ERC1: variants seen among roughly 807,000 people sequenced by gnomAD.
ERC1 encodes the protein ELKS/RAB6-interacting/CAST family member 1.
A neutral mutation model predicts 132.0 loss-of-function variants in ERC1; 56 were observed. That is an observed-to-expected ratio of 0.42 (90% CI 0.34 to 0.53). The LOEUF is 0.53. Ranked by LOEUF, ERC1 falls within the 20% of genes least tolerant of loss-of-function variation. The pLI, the probability that ERC1 is intolerant of heterozygous loss-of-function variation, is 0.03. For synonymous variants in ERC1, 478 were observed against 476.1 expected, an observed-to-expected ratio of 1.00 and a Z score of -0.05; for missense variants, 1,202 against 1,349.9, an observed-to-expected ratio of 0.89 and a Z score of 1.72.
chr12:1,015,725 G>C (rs1272494578), intron 1 of ERC1, among the ~76,000 whole-genome samples: 1 of 152,112 alleles, frequency 6.6e-6, no homozygotes, highest in Non-Finnish European at 1.5e-5. Flanking sequence ...CTCGTCCCTA[G>C]TAATATTTAT....
chr12:1,470,390 C>G (rs2093835053), intron 18 of ERC1, among the ~76,000 whole-genome samples: 1 of 151,954 alleles, frequency 6.6e-6, no homozygotes, highest in South Asian at 2.1e-4. Flanking sequence ...CTTGTTCTTA[C>G]CACCCTGACA....
chr12:1,343,351 G>A (rs1195143115), intron 15 of ERC1, among the ~76,000 whole-genome samples: 1 of 152,128 alleles, frequency 6.6e-6, no homozygotes, highest in African/African-American at 2.4e-5. Context: ...TCAAATTCTA[G>A]CAGCTTTGGT....
intron 16 of ERC1, among the ~76,000 whole-genome samples, chr12:1,372,299 G>C (rs955679183): frequency 2.0e-5 from 3 of 151,962 alleles, no homozygotes; most frequent in African/African-American, 7.3e-5. Context: ...TAAACATCCA[G>C]CAAGATTTCT....
At chr12:1,062,903 G>A (rs1384716029) in intron 2 of ERC1, among the ~76,000 whole-genome samples, 1 of 152,120 alleles carries the variant, frequency 6.6e-6, no homozygotes, top group Non-Finnish European at 1.5e-5. Context: ...GTGCATATGT[G>A]TTTATAGTTG....
At chr12:1,123,213 G>C (rs1947778101) in intron 7 of ERC1, among the ~76,000 whole-genome samples, 1 of 152,138 alleles carries the variant, frequency 6.6e-6, no homozygotes, top group African/African-American at 2.4e-5. Flanking sequence ...GCATAAGTAT[G>C]GCTCTTAATA....
intron 16 of ERC1, among the ~76,000 whole-genome samples, chr12:1,388,103 T>A (rs1391530846): frequency 6.6e-6 from 1 of 152,116 alleles, no homozygotes; most frequent in Non-Finnish European, 1.5e-5. Flanking sequence ...GGCTCACGCT[T>A]GTAATCCCAG....
intron 18 of ERC1, among the ~76,000 whole-genome samples, chr12:1,447,627 G>GTTTTGTTTTTGTTTTTGT (rs796760068): frequency 6.7e-6 from 1 of 148,678 alleles, no homozygotes; most frequent in African/African-American, 2.5e-5. Flanking sequence ...GTTTGTCTTT[G>GTTTTGTTTTTGTTTTTGT]TTTTGTTTTT....
intron 7 of ERC1, among the ~76,000 whole-genome samples, chr12:1,134,646 C>A (rs1593582739): frequency 6.6e-6 from 1 of 152,036 alleles, no homozygotes; most frequent in East Asian, 1.9e-4. Context: ...GCCACCGCAC[C>A]TGGCCCTAAT....
intron 8 of ERC1, among the ~76,000 whole-genome samples, chr12:1,154,363 A>T (rs1347089037): frequency 8.8e-5 from 12 of 136,722 alleles, no homozygotes; most frequent in Non-Finnish European, 1.6e-4. Flanking sequence ...ATACACACAC[A>T]CACACACACA....
At chr12:997,111 G>A (rs1961093831) in intron 1 of ERC1, among the ~76,000 whole-genome samples, 4 of 152,184 alleles carry the variant, frequency 2.6e-5, no homozygotes, top group Admixed American at 2.6e-4. Flanking sequence ...AGAGAGACAA[G>A]GCGTCATTAT....
intron 12 of ERC1, among the ~76,000 whole-genome samples, chr12:1,224,251 GCA>G (rs972627173): frequency 6.6e-6 from 1 of 151,986 alleles, no homozygotes; most frequent in Non-Finnish European, 1.5e-5. Flanking sequence ...CCATGTGCAT[GCA>G]CACACACACG....
At chr12:1,292,550 C>G (rs1179133808) in intron 15 of ERC1, among the ~76,000 whole-genome samples, 1 of 152,166 alleles carries the variant, frequency 6.6e-6, no homozygotes, top group African/African-American at 2.4e-5. Context: ...CCAAATATCT[C>G]TGTGTTAAAT....
intron 1 of ERC1, among the ~76,000 whole-genome samples, chr12:1,008,829 T>C (rs1299269582): frequency 6.6e-6 from 1 of 152,216 alleles, no homozygotes; most frequent in Non-Finnish European, 1.5e-5. Context: ...AAGTTTCAAT[T>C]CCCGTGAAAT....
intron 15 of ERC1, among the ~76,000 whole-genome samples, chr12:1,298,897 A>G (rs935025473): frequency 6.6e-6 from 1 of 152,142 alleles, no homozygotes; most frequent in African/African-American, 2.4e-5. Flanking sequence ...GCATAGCTAT[A>G]TTAATATCAG....
chr12:1,228,349 G>GTTTATTCCTGTGAGTCTTGATGCTA (rs1200100941), intron 12 of ERC1, among the ~76,000 whole-genome samples: 1 of 151,122 alleles, frequency 6.6e-6, no homozygotes, highest in Non-Finnish European at 1.5e-5. Flanking sequence ...CTTTCAGCCA[G>GTTTATTCCTGTGAGTCTTGATGCTA]TTGTATACAA....
intron 17 of ERC1, among the ~76,000 whole-genome samples, chr12:1,439,769 T>C (rs1175751014): frequency 1.3e-5 from 2 of 152,360 alleles, no homozygotes; most frequent in East Asian, 3.9e-4. Flanking sequence ...AGTTATAACT[T>C]ACGGGTCCTG....
At chr12:1,154,267 A>T (rs1017879777) in intron 8 of ERC1, among the ~76,000 whole-genome samples, 2 of 145,736 alleles carry the variant, frequency 1.4e-5, no homozygotes, top group East Asian at 2.0e-4. Context: ...ATGTGTATAT[A>T]TACACATATA....
At chr12:1,290,329 T>C (rs969472916) in intron 15 of ERC1, among the ~76,000 whole-genome samples, 12 of 152,212 alleles carry the variant, frequency 7.9e-5, no homozygotes, top group Admixed American at 2.0e-4. Context: ...AGAGGGCTGT[T>C]GGTTCTGAGG....
At chr12:1,281,612 C>T (rs2078683031) in intron 14 of ERC1, among the ~76,000 whole-genome samples, 1 of 152,092 alleles carries the variant, frequency 6.6e-6, no homozygotes, top group East Asian at 1.9e-4. Flanking sequence ...CCCAGTAGAT[C>T]ATTAATTTTT....
Sources: gnomAD v4.1 joint callset for allele counts (sites outside exome capture counted in the v4.1 genomes callset) on GRCh38, gnomAD v4.1.1 for gene constraint, MANE v1.5 for transcripts, NCBI Gene and HGNC (gene_info 2026-07-23, HGNC 2026-07-21) for gene names.